Variants in NAV2 observed in about 807,000 individuals in gnomAD.
NAV2 encodes the protein helicase, APC down-regulated 1.
NAV2 carries 54 observed loss-of-function variants against 223.2 expected under a neutral mutation model. The ratio of observed to expected loss-of-function variants is 0.24; its 90% CI spans 0.19 to 0.30. The LOEUF is 0.30. Ranked by LOEUF, NAV2 falls within the 10% of genes least tolerant of loss-of-function variation. The pLI, the probability that NAV2 is intolerant of heterozygous loss-of-function variation, is 1.00. For synonymous variants in NAV2, 1,279 were observed against 1,239.3 expected (o/e 1.03, Z -0.67); for missense variants, 2,806 against 3,147.5 (o/e 0.89, Z 2.60).
chr11:19,534,758 G>T (rs1176531653), intron 1 of NAV2, among the ~76,000 whole-genome samples: 1 of 152,172 alleles, frequency 6.6e-6, no homozygotes. Context: ...GAGAGACCTT[G>T]CATTCCATGC....
chr11:19,709,892 G>T (rs1019460797), upstream of NAV2, among the ~76,000 whole-genome samples: 10 of 152,108 alleles, frequency 6.6e-5, no homozygotes, highest in African/African-American at 2.4e-4. Flanking sequence ...CAGACTAAAA[G>T]ATTCACTTGT....
intron 11 of NAV2, among the ~76,000 whole-genome samples, chr11:20,026,108 G>A (rs1390053382): frequency 6.6e-6 from 1 of 152,048 alleles, no homozygotes; most frequent in African/African-American, 2.4e-5. Flanking sequence ...CAGAGCTGTG[G>A]TCTCTCCATT....
intron 11 of NAV2, among the ~76,000 whole-genome samples, chr11:20,018,735 G>T (rs755513021): frequency 6.6e-6 from 1 of 152,202 alleles, no homozygotes; most frequent in Non-Finnish European, 1.5e-5. Context: ...TGTGTTGAGG[G>T]AAAGACAGAC....
intron 3 of NAV2, among the ~76,000 whole-genome samples, chr11:19,851,720 T>A (rs1002195167): frequency 2.6e-5 from 4 of 152,198 alleles, no homozygotes; most frequent in Non-Finnish European, 5.9e-5. Flanking sequence ...ACGCCCTCAG[T>A]GGGGTAGCTG....
At chr11:19,416,072 A>G (rs967621105) in intron 1 of NAV2, among the ~76,000 whole-genome samples, 1 of 152,160 alleles carries the variant, frequency 6.6e-6, no homozygotes, top group Non-Finnish European at 1.5e-5. Context: ...CCTATTCAAC[A>G]TATTATTGGA....
chr11:19,971,990 A>G (rs1690459855), intron 10 of NAV2, among the ~76,000 whole-genome samples: 1 of 152,202 alleles, frequency 6.6e-6, no homozygotes, highest in South Asian at 2.1e-4. Flanking sequence ...GGCATAAGCC[A>G]CTGTGCCTGG....
chr11:19,535,586 C>G (rs1156469287), intron 1 of NAV2, among the ~76,000 whole-genome samples: 1 of 152,202 alleles, frequency 6.6e-6, no homozygotes, highest in Non-Finnish European at 1.5e-5. Context: ...AATTTGCCGT[C>G]TTGAAAGCTC....
In NAV2 at chr11:19,901,349, C is replaced by A. The variant is rs183056264; in HGVS notation, c.931+8755C>A. On this transcript the variant is annotated intron_variant, in intron 6 of 37. Coordinates refer to ENST00000349880, the MANE Select transcript of NAV2 (RefSeq NM_145117.5). Reference sequence around the variant, plus strand: ...ATTACTTGAGGTCTGGAGTTTGAGACCAGCCTGGTCAACAGAGCAAAACCC... The same window carrying A: ...ATTACTTGAGGTCTGGAGTTTGAGAACAGCCTGGTCAACAGAGCAAAACCC... Among the ~76,000 whole-genome samples, 110 of 152,164 alleles carry A rather than the reference C, an allele frequency of 7.2e-4. 1 individual carries two copies. The highest frequency in any genetic ancestry group is 9.0e-4 in the Non-Finnish European group (61 of 68,004).
chr11:19,651,986 A>G (rs918017723), intron 1 of NAV2, among the ~76,000 whole-genome samples: 3 of 152,240 alleles, frequency 2.0e-5, no homozygotes, highest in African/African-American at 7.2e-5. Context: ...AACTTTGAGG[A>G]CGTTGAGTGA....
chr11:19,673,284 G>A (rs188519995), intron 1 of NAV2, among the ~76,000 whole-genome samples: 1 of 152,318 alleles, frequency 6.6e-6, no homozygotes, highest in African/African-American at 2.4e-5. Context: ...TGTTTTTTGA[G>A]CATCTGCTAT....
intron 11 of NAV2, among the ~76,000 whole-genome samples, chr11:19,987,194 G>A (rs1331109725): frequency 6.6e-6 from 1 of 152,192 alleles, no homozygotes; most frequent in Non-Finnish European, 1.5e-5. Context: ...AACAAAGGTA[G>A]TATGCAAGTG....
rs561572838 is a variant in NAV2 at position 19,430,699 on chromosome 11, C to T, written c.75+79672C>T. On this transcript the variant is annotated intron_variant, in intron 1 of 37. Transcript: ENST00000360655. ...AAGTTTCTGGAGCTCTGCACACATCCAGTTAAGAAGATATGATGCCAGTCT... is the reference window on the plus strand; with the variant it reads ...AAGTTTCTGGAGCTCTGCACACATCTAGTTAAGAAGATATGATGCCAGTCT... Among the ~76,000 whole-genome samples the T allele has an allele frequency of 2.7e-5, 4 of 148,114 alleles. No individual in the cohort carries two copies. The East Asian group carries it at 6.1e-4, about 23-fold the overall frequency.
At chr11:19,526,305 C>T (rs573447623) in intron 1 of NAV2, among the ~76,000 whole-genome samples, 3 of 152,316 alleles carry the variant, frequency 2.0e-5, no homozygotes, top group African/African-American at 4.8e-5. Flanking sequence ...ACAATGTTTT[C>T]GTCCTCTGTT....
At chr11:20,075,533 G>T (rs548658373) in intron 22 of NAV2, among the ~76,000 whole-genome samples, 1 of 151,936 alleles carries the variant, frequency 6.6e-6, no homozygotes, top group East Asian at 1.9e-4. Context: ...GAGCTACCAC[G>T]CCTGGCCTGT....
intron 2 of NAV2, among the ~76,000 whole-genome samples, chr11:19,836,611 T>C (rs1169773955): frequency 1.3e-5 from 2 of 151,370 alleles, no homozygotes; most frequent in Admixed American, 1.3e-4. Context: ...ATTGCTTCTA[T>C]AAAAAGTAGT....
At chr11:19,839,142 G>C (rs1253773782) in intron 2 of NAV2, among the ~76,000 whole-genome samples, 1 of 152,174 alleles carries the variant, frequency 6.6e-6, no homozygotes, top group Non-Finnish European at 1.5e-5. Context: ...TTATCTTCTT[G>C]AGTCATGAGC....
rs149486594 is a variant in NAV2, at chr11:19,933,919, C to G, written c.1675C>G (p.Pro559Ala). ...LNSAKKEPMA[P>A]SHSGIPKPGM... Reference sequence around the variant, plus strand: ...CAGTGCCAAGAAGGAGCCCATGGCCCCTTCCCACAGTGGAATACCAAAACC... The same window carrying G: ...CAGTGCCAAGAAGGAGCCCATGGCCGCTTCCCACAGTGGAATACCAAAACC... Residue 559 changes from proline to alanine, a missense_variant, in exon 7 of 38, where the codon CCT becomes GCT. Physicochemically the swap from Pro to Ala is conservative, Grantham distance 27 (BLOSUM62 -1). Transcript: ENST00000349880. The surrounding 1 kb of genome is among the most constrained non-coding windows in gnomAD (Gnocchi z 4.3). 2.5e-5 allele frequency: 39 copies of G among 1,589,112 alleles called. No individual in the cohort carries two copies. In the African/African-American group the frequency reaches 4.2e-4, roughly 17 times the overall value.
At chr11:19,429,599 G>A (rs960972962) in intron 1 of NAV2, among the ~76,000 whole-genome samples, 2 of 152,194 alleles carry the variant, frequency 1.3e-5, no homozygotes, top group African/African-American at 4.8e-5. Flanking sequence ...AAGGTTGCAG[G>A]GAGGGGCCTC....
chr11:19,888,713 C>T (rs1162406352), intron 5 of NAV2, among the ~76,000 whole-genome samples: 1 of 152,064 alleles, frequency 6.6e-6, no homozygotes, highest in South Asian at 2.1e-4. Flanking sequence ...CTCTGTCCCC[C>T]GAGTCCCAGC....
Sources: gnomAD v4.1 joint callset for allele counts (sites outside exome capture counted in the v4.1 genomes callset) on GRCh38, gnomAD v4.1.1 for gene constraint, Gnocchi (gnomAD v3.1) non-coding constraint, MANE v1.5 for transcripts, NCBI Gene and HGNC (gene_info 2026-07-23, HGNC 2026-07-21) for gene names.